Variants in TANC2 observed in about 807,000 individuals in gnomAD.
TANC2 encodes the protein tetratricopeptide repeat, ankyrin repeat and coiled-coil containing 2.
A neutral mutation model predicts 210.5 loss-of-function variants in TANC2; 26 were observed. The observed-to-expected ratio is 0.12, with a 90% CI of 0.09 to 0.17. The LOEUF (loss-of-function observed/expected upper bound fraction) is 0.17. Among genes scored for constraint, TANC2 ranks in the 10% least tolerant of loss-of-function variants. TANC2 has a pLI of 1.00. For synonymous variants in TANC2, 931 were observed against 967.1 expected (o/e 0.96, Z 0.69); for missense variants, 2,129 against 2,608.9 (o/e 0.82, Z 4.01).
intron 9 of TANC2, among the ~76,000 whole-genome samples, chr17:63,293,729 G>C (rs952998441): frequency 1.3e-5 from 2 of 152,026 alleles, no homozygotes; most frequent in African/African-American, 4.8e-5. Context: ...GTTGAAGAAA[G>C]GTAAGGATTT....
chr17:63,070,204 T>C, intron 2 of TANC2, among the ~76,000 whole-genome samples: 1 of 152,174 alleles, frequency 6.6e-6, no homozygotes, highest in Non-Finnish European at 1.5e-5. Flanking sequence ...TTATTTAGAA[T>C]AAAAACCATA....
At position 63,388,626 on chromosome 17, in the gene TANC2, C is replaced by T. The variant is rs765842928; in HGVS notation, c.2692-9C>T. 1.9e-6 allele frequency: 3 copies of T among 1,597,214 alleles called. No homozygotes were observed. The highest frequency in any genetic ancestry group is 1.1e-5 in the South Asian group (1 of 87,490). ...GCTACTAATTTAATTGTCTGTATTTCTTATTCAGGGTTTGAGTAAAAAAGT... is the reference window on the plus strand; with the variant it reads ...GCTACTAATTTAATTGTCTGTATTTTTTATTCAGGGTTTGAGTAAAAAAGT... On this transcript the variant is annotated splice_polypyrimidine_tract_variant and intron_variant, in intron 15 of 27. Transcript: ENST00000689528.
At position 63,037,650 on chromosome 17, in the gene TANC2, C is replaced by T. The variant is rs570344469; in HGVS notation, c.67+28024C>T. ...CCAACATGGTAAAACCCTGTCTCTA[C>T]GAAAAATACAAAAATTAGCCAGGCA... On this transcript the variant is annotated intron_variant, in intron 2 of 27. Coordinates refer to ENST00000689528, the Ensembl canonical transcript of TANC2. 2.5e-4 allele frequency among the ~76,000 whole-genome samples: 38 copies of T among 151,928 alleles called. No individual in the cohort carries two copies. The East Asian group carries it at 5.6e-3, about 22-fold the overall frequency.
At chr17:63,409,021 C>G (rs980978312) in intron 21 of TANC2, among the ~76,000 whole-genome samples, 3 of 152,088 alleles carry the variant, frequency 2.0e-5, no homozygotes, top group African/African-American at 7.2e-5. Flanking sequence ...TATGCTTGAT[C>G]CTTTCAAGTG....
chr17:63,416,439 G>A (rs1026361224), intron 26 of TANC2, among the ~76,000 whole-genome samples: 10 of 152,182 alleles, frequency 6.6e-5, no homozygotes, highest in African/African-American at 9.7e-5. Context: ...AATAATCCAA[G>A]CCAAACAGAT....
exon 28 of TANC2, chr17:63,422,075 G>A (rs1261979276): frequency 1.5e-6 from 2 of 1,306,240 alleles, no homozygotes. Flanking sequence ...GTGTTCAGAG[G>A]TGGCAGCCCA....
chr17:63,273,459 C>G (rs1033345838), intron 9 of TANC2, among the ~76,000 whole-genome samples: 1 of 151,140 alleles, frequency 6.6e-6, no homozygotes, highest in Non-Finnish European at 1.5e-5. Context: ...AATAATAGAC[C>G]CATTACATGT....
At chr17:63,106,798 G>T (rs1241706636) in intron 4 of TANC2, among the ~76,000 whole-genome samples, 1 of 151,656 alleles carries the variant, frequency 6.6e-6, no homozygotes, top group African/African-American at 2.4e-5. Context: ...TTTTAGACAA[G>T]AAAGTAATTT....
chr17:63,127,054 A>G (rs1320034320), intron 4 of TANC2, among the ~76,000 whole-genome samples: 1 of 152,204 alleles, frequency 6.6e-6, no homozygotes, highest in Non-Finnish European at 1.5e-5. Context: ...CTCATTTTTA[A>G]GTACCAAAAA....
chr17:63,233,743 A>G (rs1441654555), intron 7 of TANC2, among the ~76,000 whole-genome samples: 2 of 152,126 alleles, frequency 1.3e-5, no homozygotes, highest in South Asian at 2.1e-4. Context: ...ACTGGCCCCA[A>G]CCCACCTCCA....
At chr17:63,247,476 C>T (rs1055665027) in intron 8 of TANC2, among the ~76,000 whole-genome samples, 3 of 126,508 alleles carry the variant, frequency 2.4e-5, no homozygotes, top group African/African-American at 1.1e-4. Context: ...CCTCCTCTTC[C>T]CCTACTCATG....
chr17:63,063,070 G>A (rs777784186), intron 2 of TANC2, among the ~76,000 whole-genome samples: 1 of 152,214 alleles, frequency 6.6e-6, no homozygotes, highest in Non-Finnish European at 1.5e-5. Flanking sequence ...TCAGGTTTGA[G>A]CATTTGCTAG....
At chr17:63,093,073 A>T (rs547348422) in intron 3 of TANC2, among the ~76,000 whole-genome samples, 72 of 152,188 alleles carry the variant, frequency 4.7e-4, no homozygotes, top group African/African-American at 1.6e-3. Flanking sequence ...AAGAGTAGAA[A>T]TTTTTAATTT....
chr17:62,997,200 A>G (rs1184872623), intron 1 of TANC2, among the ~76,000 whole-genome samples: 1 of 147,740 alleles, frequency 6.8e-6, no homozygotes, highest in African/African-American at 2.5e-5. Flanking sequence ...CAGTGGTGTG[A>G]TCATAGTTCA....
intron 1 of TANC2, among the ~76,000 whole-genome samples, chr17:62,970,908 ATAT>A (rs924941083): frequency 2.0e-5 from 3 of 152,180 alleles, no homozygotes; most frequent in Non-Finnish European, 4.4e-5. Context: ...AAGGCACCAA[ATAT>A]TATAAAATAG....
intron 1 of TANC2, among the ~76,000 whole-genome samples, chr17:62,992,080 T>A (rs1289811325): frequency 6.6e-6 from 1 of 152,204 alleles, no homozygotes; most frequent in Non-Finnish European, 1.5e-5. Flanking sequence ...AATCTAGAGA[T>A]GATTTAAGGT....
At chr17:63,004,778 G>T in intron 1 of TANC2, 1 of 345,262 alleles carries the variant, frequency 2.9e-6, no homozygotes, top group Non-Finnish European at 5.6e-6. Context: ...TTTCTGCAGG[G>T]TTATTCCCCT....
chr17:63,217,841 A>G (rs2042063278), intron 7 of TANC2, among the ~76,000 whole-genome samples: 1 of 152,240 alleles, frequency 6.6e-6, no homozygotes, highest in Admixed American at 6.5e-5. Flanking sequence ...ACTGAATCTA[A>G]TAATATATAA....
intron 12 of TANC2, among the ~76,000 whole-genome samples, chr17:63,344,214 G>A (rs570884347): frequency 2.1e-4 from 32 of 152,328 alleles, no homozygotes; most frequent in Non-Finnish European, 3.8e-4. Flanking sequence ...TCTAATGCCT[G>A]ATAATCTGAG....
Sources: gnomAD v4.1 joint callset for allele counts (sites outside exome capture counted in the v4.1 genomes callset) on GRCh38, gnomAD v4.1.1 for gene constraint, MANE v1.5 for transcripts, NCBI Gene and HGNC (gene_info 2026-07-23, HGNC 2026-07-21) for gene names.